The following FIGN variants were observed in gnomAD, a reference collection of about 807,000 sequenced individuals.
FIGN encodes fidgetin.
FIGN carries 11 observed loss-of-function variants against 51.3 expected under a neutral mutation model. That is an observed-to-expected ratio of 0.21 (90% CI 0.13 to 0.35). The LOEUF is 0.35. Among genes scored for constraint, FIGN ranks in the 10% least tolerant of loss-of-function variants. The pLI is 1.00. For synonymous variants in FIGN, 407 were observed against 363.2 expected, an observed-to-expected ratio of 1.12 and a Z score of -1.37; for missense variants, 857 against 943.6, an observed-to-expected ratio of 0.91 and a Z score of 1.20.
At chr2:163,654,502 C>T (rs1460327780) in intron 2 of FIGN, among the ~76,000 whole-genome samples, 1 of 152,096 alleles carries the variant, frequency 6.6e-6, no homozygotes, top group Non-Finnish European at 1.5e-5. Flanking sequence ...GTAGTTGGAA[C>T]TCTGATCCCA....
chr2:163,661,915 A>T (rs1194089493), intron 2 of FIGN, among the ~76,000 whole-genome samples: 1 of 152,086 alleles, frequency 6.6e-6, no homozygotes, highest in Non-Finnish European at 1.5e-5. Context: ...CCCAGTCTTG[A>T]GTATGTCTTT....
At chr2:163,649,290 A>G (rs1179317720) in intron 2 of FIGN, among the ~76,000 whole-genome samples, 1 of 152,152 alleles carries the variant, frequency 6.6e-6, no homozygotes, top group Non-Finnish European at 1.5e-5. Flanking sequence ...TCCCTCCCAC[A>G]GTGTGTCTGA....
chr2:163,679,891 G>A (rs1376712758), intron 2 of FIGN, among the ~76,000 whole-genome samples: 2 of 152,114 alleles, frequency 1.3e-5, no homozygotes, highest in African/African-American at 4.8e-5. Flanking sequence ...CTTAAGAACT[G>A]GAATCAACTT....
intron 2 of FIGN, among the ~76,000 whole-genome samples, chr2:163,692,994 G>A (rs573988155): frequency 2.6e-5 from 4 of 152,178 alleles, no homozygotes; most frequent in Non-Finnish European, 5.9e-5. Flanking sequence ...AAGCGCCTTG[G>A]TACTTCCTTT....
intron 2 of FIGN, among the ~76,000 whole-genome samples, chr2:163,647,514 C>T (rs979764664): frequency 1.3e-5 from 2 of 152,150 alleles, no homozygotes; most frequent in Admixed American, 6.5e-5. Context: ...CAGAGCTCAC[C>T]CTTGACTGTC....
At chr2:163,733,916 G>A (rs1397122300) in intron 2 of FIGN, among the ~76,000 whole-genome samples, 1 of 142,752 alleles carries the variant, frequency 7.0e-6, no homozygotes, top group Non-Finnish European at 1.5e-5. Context: ...AGGAATTAAC[G>A]GTCATGGGGT....
chr2:163,663,883 C>CAAAAG (rs1311839087), intron 2 of FIGN, among the ~76,000 whole-genome samples: 5 of 147,008 alleles, frequency 3.4e-5, no homozygotes, highest in African/African-American at 1.3e-4. Context: ...ACTCCATCTC[C>CAAAAG]AAAAGAAAAG....
chr2:163,630,892 T>TTTCGTC, intron 2 of FIGN, among the ~76,000 whole-genome samples: 1 of 152,290 alleles, frequency 6.6e-6, no homozygotes, highest in East Asian at 1.9e-4. Flanking sequence ...ATTAAACAGG[T>TTTCGTC]TTCGTCTTCA....
rs1351104838 is a variant in FIGN at position 163,733,153 on chromosome 2, G to A, written c.25+1750C>T. Among the ~76,000 whole-genome samples, 3 of 152,274 alleles carry A rather than the reference G, an allele frequency of 2.0e-5. No homozygotes were observed. The East Asian group carries it at 5.8e-4, about 29-fold the overall frequency. On this transcript the variant is annotated intron_variant, in intron 2 of 2. Coordinates refer to ENST00000333129, the MANE Select transcript of FIGN (RefSeq NM_018086.4). Reference sequence around the variant, plus strand: ...TAATATATGATAACAAGGCTCCTAAGTTAACATCATTTGCACATCGGACAT... The same window carrying A: ...TAATATATGATAACAAGGCTCCTAAATTAACATCATTTGCACATCGGACAT...
At chr2:163,690,773 A>G (rs1348520833) in intron 2 of FIGN, among the ~76,000 whole-genome samples, 1 of 152,110 alleles carries the variant, frequency 6.6e-6, no homozygotes, top group Admixed American at 6.6e-5. Context: ...GATGGAAAAG[A>G]ATACAGTGTT....
At chr2:163,684,777 TTTC>T (rs1175485973) in intron 2 of FIGN, among the ~76,000 whole-genome samples, 1 of 152,078 alleles carries the variant, frequency 6.6e-6, no homozygotes, top group East Asian at 1.9e-4. Context: ...GTTTCCTTTT[TTTC>T]TTCTTCTTTC....
intron 2 of FIGN, among the ~76,000 whole-genome samples, chr2:163,642,245 T>C (rs1259400301): frequency 6.6e-6 from 1 of 152,222 alleles, no homozygotes; most frequent in Non-Finnish European, 1.5e-5. Context: ...AAGCCTAGGC[T>C]GATGCTAACC....
At chr2:163,621,342 G>GA (rs988819822) in intron 2 of FIGN, among the ~76,000 whole-genome samples, 2 of 151,856 alleles carry the variant, frequency 1.3e-5, no homozygotes, top group African/African-American at 2.4e-5. Flanking sequence ...CTTGGACTTC[G>GA]AAAAAAAATT....
intron 2 of FIGN, among the ~76,000 whole-genome samples, chr2:163,690,073 A>C (rs191007010): frequency 3.7e-4 from 56 of 152,328 alleles, no homozygotes; most frequent in African/African-American, 1.3e-3. Flanking sequence ...GTTAAGATAC[A>C]TACAACATAA....
chr2:163,609,277 C>A lies in FIGN; in HGVS notation c.*275G>T, dbSNP rs1048952718. The A allele has an allele frequency of 4.1e-5, 17 of 411,858 alleles. No homozygotes were observed. In the Admixed American group the frequency reaches 5.2e-4, roughly 13 times the overall value. The allele number at this position is 411,858 out of a possible 1,614,324, so 25.5% of individuals were successfully genotyped here. On this transcript the variant is annotated 3_prime_UTR_variant, in exon 3 of 3. Transcript: ENST00000333129. The stretch of plus-strand genomic sequence containing the variant: ...GGTTCATGTCCTTCTGAAATCAACA[C>A]ACTTGCACCTTGCTCCTTGGTGAGT...
At position 163,609,417 on chromosome 2, in the gene FIGN, G is replaced by A. The variant is rs1691180269; in HGVS notation, c.*135C>T. ...CCTCCAAATCTACCCTGACTCTAAAGATGCAACTTAATCGTCATCTTCCCC... is the reference window on the plus strand; with the variant it reads ...CCTCCAAATCTACCCTGACTCTAAAAATGCAACTTAATCGTCATCTTCCCC... On this transcript the variant is annotated 3_prime_UTR_variant, in exon 3 of 3. Transcript: ENST00000333129. 1 of 740,114 alleles carries A rather than the reference G, an allele frequency of 1.4e-6. No individual in the cohort carries two copies. The highest frequency in any genetic ancestry group is 1.8e-5 in the African/African-American group (1 of 56,326). 45.8% of individuals were successfully genotyped at this position (740,114 alleles called of 1,614,324 possible).
At chr2:163,655,225 G>A (rs1052709935) in intron 2 of FIGN, among the ~76,000 whole-genome samples, 3 of 152,142 alleles carry the variant, frequency 2.0e-5, no homozygotes, top group East Asian at 1.9e-4. Context: ...CAGTTCATAT[G>A]CCAAATAGTT....
chr2:163,614,379 C>G (rs927502758), intron 2 of FIGN, among the ~76,000 whole-genome samples: 1 of 152,120 alleles, frequency 6.6e-6, no homozygotes, highest in Non-Finnish European at 1.5e-5. Flanking sequence ...CTAAATGCTT[C>G]TAGTGTCGTG....
At chr2:163,693,646 C>G (rs1684271512) in intron 2 of FIGN, among the ~76,000 whole-genome samples, 1 of 152,038 alleles carries the variant, frequency 6.6e-6, no homozygotes, top group Non-Finnish European at 1.5e-5. Flanking sequence ...CACAAACACA[C>G]ACAATAATCA....
Sources: allele counts gnomAD v4.1 joint callset (sites outside exome capture counted in the v4.1 genomes callset), GRCh38; gene constraint gnomAD v4.1.1; transcripts MANE v1.5; gene names NCBI Gene and HGNC (gene_info 2026-07-23, HGNC 2026-07-21).